CPS1: variants seen among roughly 807,000 people sequenced by gnomAD.
CPS1 encodes carbamoyl-phosphate synthase [ammonia], mitochondrial.
A neutral mutation model predicts 174.6 loss-of-function variants in CPS1; 109 were observed. That is an observed-to-expected ratio of 0.62 (90% CI 0.53 to 0.73). The LOEUF (loss-of-function observed/expected upper bound fraction) is 0.73. CPS1 is among the 30% of genes least tolerant of loss of function. The probability of loss-of-function intolerance (pLI) is 0.00; values close to 1 mark genes in which losing one functional copy is unlikely to be tolerated. For missense variants in CPS1, 1,689 were observed against 1,821.9 expected (o/e 0.93, Z 1.33); for synonymous variants, 637 against 632.0 (o/e 1.01, Z -0.12).
intron 1 of CPS1, among the ~76,000 whole-genome samples, chr2:210,506,398 A>G (rs1046462508): frequency 5.9e-5 from 9 of 152,186 alleles, no homozygotes; most frequent in Admixed American, 1.3e-4. Flanking sequence ...CACCATCATC[A>G]AAGACCAAAG....
chr2:210,581,172 A>G (rs917994139), intron 5 of CPS1, among the ~76,000 whole-genome samples: 4 of 152,120 alleles, frequency 2.6e-5, no homozygotes, highest in Non-Finnish European at 5.9e-5. Flanking sequence ...TGTGAGCAGT[A>G]AGCAATGACG....
intron 13 of CPS1, among the ~76,000 whole-genome samples, chr2:210,596,680 T>C (rs1698492880): frequency 6.6e-6 from 1 of 152,104 alleles, no homozygotes; most frequent in East Asian, 1.9e-4. Flanking sequence ...TCTCATTAGA[T>C]AATTGGAGAC....
chr2:210,629,934 G>A (rs949582045), intron 21 of CPS1, among the ~76,000 whole-genome samples: 3 of 151,294 alleles, frequency 2.0e-5, no homozygotes, highest in Non-Finnish European at 2.9e-5. Context: ...TTAGCCGGGC[G>A]TGGTGGCAGG....
chr2:210,505,075 G>C (rs547935295), intron 1 of CPS1, among the ~76,000 whole-genome samples: 1 of 151,988 alleles, frequency 6.6e-6, no homozygotes. Context: ...CTCTGCCTAA[G>C]AGTGTGTTTT....
At chr2:210,560,214 T>G (rs1176434403) in intron 1 of CPS1, among the ~76,000 whole-genome samples, 1 of 152,064 alleles carries the variant, frequency 6.6e-6, no homozygotes, top group African/African-American at 2.4e-5. Context: ...CATAATAACC[T>G]ATTTCATTCA....
intron 25 of CPS1, 23 bp downstream of exon 25, chr2:210,642,688 A>AT (rs1700266540): frequency 6.2e-7 from 1 of 1,602,892 alleles, no homozygotes; most frequent in African/African-American, 1.3e-5. Context: ...AAACAGAAAA[A>AT]AAAGAAAAAA....
At chr2:210,588,414 G>T (rs1420926184) in intron 7 of CPS1, among the ~76,000 whole-genome samples, 5 of 151,594 alleles carry the variant, frequency 3.3e-5, no homozygotes, top group East Asian at 1.9e-4. Context: ...TTAATTGACT[G>T]ACAGTCTGAG....
Position 210,590,890 on chromosome 2 carries a change from A to T in CPS1, c.931A>T (p.Met311Leu). The T allele has an allele frequency of 1.2e-6, 2 of 1,611,312 alleles. No individual in the cohort carries two copies. Among genetic ancestry groups the T allele is most frequent in the Non-Finnish European group, 1.7e-6 (2 of 1,178,190 alleles). ...GGCTGCTGGTGCCAAAACCTACAAGATGTCCATGGCCAACAGGTGAGGTAT... is the reference window on the plus strand; with the variant it reads ...GGCTGCTGGTGCCAAAACCTACAAGTTGTCCATGGCCAACAGGTGAGGTAT... Reference protein sequence around the residue: ...GLAAGAKTYKMSMANRGQNQP... With the variant: ...GLAAGAKTYKLSMANRGQNQP... Residue 311 changes from methionine (M) to leucine (L), a missense_variant, in exon 9 of 38, where the codon ATG (methionine) becomes TTG (leucine). Physicochemically the swap from Met to Leu is conservative, Grantham distance 15. Transcript: ENST00000233072.
Position 210,581,147 on chromosome 2 carries a change from C to T in CPS1, c.528+1377C>T, listed in dbSNP as rs545055521. ...TCCCAGGGAGATTCTTGTGTTCTCT[C>T]AGCCTAATGATGTGTGTGAGCAGTA... On this transcript the variant is annotated intron_variant, in intron 5 of 37. Transcript: ENST00000233072. Among the ~76,000 whole-genome samples the T allele has an allele frequency of 7.2e-4, 110 of 152,224 alleles. 1 individual carries two copies. Among genetic ancestry groups the T allele is most frequent in the African/African-American group, 2.5e-3 (103 of 41,572 alleles).
intron 1 of CPS1, among the ~76,000 whole-genome samples, chr2:210,570,007 T>G (rs1697424334): frequency 6.6e-6 from 1 of 152,024 alleles, no homozygotes; most frequent in Non-Finnish European, 1.5e-5. Flanking sequence ...CTCCTTGGAA[T>G]GAAATAGCAT....
intron 1 of CPS1, among the ~76,000 whole-genome samples, chr2:210,490,164 G>C (rs951767120): frequency 1.3e-5 from 2 of 152,186 alleles, no homozygotes; most frequent in African/African-American, 2.4e-5. Context: ...AGCTTTCTCT[G>C]TAACCACTCA....
At chr2:210,518,811 C>T (rs1260116559) in intron 1 of CPS1, among the ~76,000 whole-genome samples, 1 of 152,002 alleles carries the variant, frequency 6.6e-6, no homozygotes, top group Non-Finnish European at 1.5e-5. Context: ...CCTAAATTCC[C>T]GACCAACATT....
intron 26 of CPS1, 140 bp downstream of exon 26, chr2:210,648,197 T>C (rs575343558): frequency 4.8e-6 from 4 of 835,522 alleles, no homozygotes; most frequent in South Asian, 1.7e-5. Flanking sequence ...AAAGTTGTTG[T>C]ATATCCATGA....
In CPS1 at chr2:210,654,131, T is replaced by A. The variant is rs780354553; in HGVS notation, c.3558+29T>A. The A allele has an allele frequency of 3.2e-6, 5 of 1,574,822 alleles. No individual in the cohort carries two copies. The Admixed American group carries it at 6.7e-5, about 21-fold the overall frequency. ...AGTGCTTTATTCTCATCTCCTTCAT[T>A]CCTGCCTTCTCATCATTTTTTTCTT... On this transcript the variant is annotated intron_variant, in intron 29 of 37. Transcript: ENST00000233072.
intron 19 of CPS1, among the ~76,000 whole-genome samples, chr2:210,609,692 A>G (rs924565875): frequency 6.6e-6 from 1 of 151,880 alleles, no homozygotes; most frequent in African/African-American, 2.4e-5. Flanking sequence ...CTTTTAGTCT[A>G]TGTATCTAAG....
intron 33 of CPS1, among the ~76,000 whole-genome samples, chr2:210,663,414 G>C (rs1259954303): frequency 6.6e-6 from 1 of 152,098 alleles, no homozygotes; most frequent in Non-Finnish European, 1.5e-5. Flanking sequence ...TAATACATGT[G>C]TTACTAATTC....
At chr2:210,576,612 G>C in intron 3 of CPS1, 122 bp downstream of exon 3, 1 of 1,048,484 alleles carries the variant, frequency 9.5e-7, no homozygotes, top group Non-Finnish European at 1.5e-6. Context: ...TTAAGCTCAT[G>C]TATTCAATCT....
intron 25 of CPS1, among the ~76,000 whole-genome samples, chr2:210,643,196 G>C (rs1247840485): frequency 6.6e-6 from 1 of 152,106 alleles, no homozygotes; most frequent in Non-Finnish European, 1.5e-5. Context: ...GAATAATTTT[G>C]CTTCCTTTAT....
rs554854522 is a variant in CPS1, at chr2:210,569,059, T to C, written c.127-4239T>C. 2.0e-5 allele frequency among the ~76,000 whole-genome samples: 3 copies of C among 152,200 alleles called. No homozygotes were observed. The South Asian group carries it at 6.2e-4, about 32-fold the overall frequency. On this transcript the variant is annotated intron_variant, in intron 1 of 37. Coordinates refer to ENST00000233072, the MANE Select transcript of CPS1 (RefSeq NM_001875.5). ...TCAGTTGATTATCTGACTAAAGTAA[T>C]TTCACTAAAGTGTGAACAAAGCTTA...
Sources: gnomAD v4.1 joint callset for allele counts (sites outside exome capture counted in the v4.1 genomes callset) on GRCh38, gnomAD v4.1.1 for gene constraint, MANE v1.5 for transcripts, NCBI Gene and HGNC (gene_info 2026-07-23, HGNC 2026-07-21) for gene names.